The following RNF7 variants were observed in gnomAD, a reference collection of about 807,000 sequenced individuals.
The protein encoded by RNF7 is ring finger protein 7.
A neutral mutation model predicts 17.0 loss-of-function variants in RNF7; 9 were observed. The ratio of observed to expected loss-of-function variants is 0.53; its 90% confidence interval spans 0.32 to 0.92. RNF7 has a LOEUF of 0.92. Among genes scored for constraint, RNF7 ranks in the 40% least tolerant of loss-of-function variants. The pLI is 0.04. For missense variants in RNF7, 87 were observed against 145.8 expected, an observed-to-expected ratio of 0.60 and a Z score of 2.08; for synonymous variants, 59 against 50.5, an observed-to-expected ratio of 1.17 and a Z score of -0.72.
Position 141,747,326 on chromosome 3 carries a change from A to G in RNF7, c.*2049A>G, listed in dbSNP as rs1489623648. 1 of 152,264 alleles carries G rather than the reference A, an allele frequency of 6.6e-6. No individual in the cohort carries two copies. 9.4% of individuals were successfully genotyped at this position (152,264 alleles called of 1,614,324 possible). A position where few individuals can be genotyped will look rare whatever the true frequency, so the allele number is the denominator to read the frequency against. The stretch of plus-strand genomic sequence containing the variant: ...CCAATACAAAAGTTAAGCATCAAAC[A>G]GGTTTTTCTTTCCATTTGATTAAAT... On this transcript the variant is annotated 3_prime_UTR_variant, in exon 3 of 3. Transcript: ENST00000273480.
In RNF7 at chr3:141,746,021, G is replaced by C. The variant is rs1577901848; in HGVS notation, c.*744G>C. 1 of 150,048 alleles carries C rather than the reference G, an allele frequency of 6.7e-6. No homozygotes were observed. Among genetic ancestry groups the C allele is most frequent in the South Asian group, 2.1e-4 (1 of 4,740 alleles). 9.3% of individuals were successfully genotyped at this position (150,048 alleles called of 1,614,324 possible). On this transcript the variant is annotated 3_prime_UTR_variant, in exon 3 of 3. Coordinates refer to ENST00000273480, the MANE Select transcript of RNF7 (RefSeq NM_014245.5). ...GGGTGAAGTCTTGCTCTGCCACCCA[G>C]GCTGGAGTGCAGTGGCATGATGTCA...
rs2084471465 is a variant in RNF7, at chr3:141,746,215, G to A, written c.*938G>A. 3 of 152,130 alleles carry A rather than the reference G, an allele frequency of 2.0e-5. No individual in the cohort carries two copies. The highest frequency in any genetic ancestry group is 2.0e-4 in the Admixed American group (3 of 15,258). 9.4% of individuals were successfully genotyped at this position (152,130 alleles called of 1,614,324 possible). A position where few individuals can be genotyped will look rare whatever the true frequency, so the allele number is the denominator to read the frequency against. On this transcript the variant is annotated 3_prime_UTR_variant, in exon 3 of 3. Transcript: ENST00000273480. ...TGGTCTCAAACTCCTGACCTCAGGTGATTCGCCCACCTCAGCCTCCCAAAG... is the reference window on the plus strand; with the variant it reads ...TGGTCTCAAACTCCTGACCTCAGGTAATTCGCCCACCTCAGCCTCCCAAAG...
chr3:141,746,977 A>T lies in RNF7; in HGVS notation c.*1700A>T, dbSNP rs186428075. 6.6e-6 allele frequency: 1 copy of T among 152,246 alleles called. No homozygotes were observed. Among genetic ancestry groups the T allele is most frequent in the Admixed American group, 6.5e-5 (1 of 15,280 alleles). The allele number at this position is 152,246 out of a possible 1,614,324, so 9.4% of individuals were successfully genotyped here. A position where few individuals can be genotyped will look rare whatever the true frequency, so the allele number is the denominator to read the frequency against. ...CTGTTTGACCTTTTTAGAAGGTTGC[A>T]TCCTTAAAATGTGAACCAGATACAT... is the stretch of plus-strand genomic sequence containing the variant. On this transcript the variant is annotated 3_prime_UTR_variant, in exon 3 of 3. Coordinates refer to ENST00000273480, the MANE Select transcript of RNF7 (RefSeq NM_014245.5).
intron 2 of RNF7, 81 bp downstream of exon 2, chr3:141,743,637 G>A: frequency 9.8e-7 from 1 of 1,022,744 alleles, no homozygotes; most frequent in Non-Finnish European, 1.5e-6. Flanking sequence ...AATTAAGATT[G>A]ACTTTATCAA....
Position 141,745,295 on chromosome 3 carries a change from C to T in RNF7, c.*18C>T. Reference sequence around the variant, plus strand: ...GCAAATGAGAGTGGTTAGAAGGCTTCTTAGCGCAGTTGTTCAGAGCCCTGG... The same window carrying T: ...GCAAATGAGAGTGGTTAGAAGGCTTTTTAGCGCAGTTGTTCAGAGCCCTGG... On this transcript the variant is annotated 3_prime_UTR_variant, in exon 3 of 3. Coordinates refer to ENST00000273480, the MANE Select transcript of RNF7 (RefSeq NM_014245.5). 1 of 1,544,972 alleles carries T rather than the reference C, an allele frequency of 6.5e-7. No homozygotes were observed. The highest frequency in any genetic ancestry group is 8.9e-7 in the Non-Finnish European group (1 of 1,119,612).
chr3:141,745,066 G>T, intron 2 of RNF7, 93 bp from the exon 3 acceptor site: 2 of 760,622 alleles, frequency 2.6e-6, no homozygotes, highest in Admixed American at 2.8e-5. Context: ...CTTTTTTCAA[G>T]ATTATTATTT....
chr3:141,740,038 CAACA>C (rs569210181), intron 1 of RNF7, among the ~76,000 whole-genome samples: 119 of 152,126 alleles, frequency 7.8e-4, no homozygotes, highest in African/African-American at 2.8e-3. Flanking sequence ...CCTGTCTCAG[CAACA>C]AACAAACAAA....
intron 1 of RNF7, among the ~76,000 whole-genome samples, chr3:141,740,857 G>C (rs1273426152): frequency 6.6e-6 from 1 of 152,156 alleles, no homozygotes; most frequent in Non-Finnish European, 1.5e-5. Flanking sequence ...AACCCACTTA[G>C]TTCCCTTTCC....
intron 1 of RNF7, chr3:141,743,020 G>A (rs904133196): frequency 3.6e-6 from 2 of 556,048 alleles, no homozygotes; most frequent in Admixed American, 1.1e-4. Flanking sequence ...TATATTACCT[G>A]GAAGAGTGAA....
At position 141,738,304 on chromosome 3, in the gene RNF7, C is replaced by T; in HGVS notation, c.-38C>T. The T allele has an allele frequency of 6.5e-7, 1 of 1,528,180 alleles. No individual in the cohort carries two copies. The highest frequency in any genetic ancestry group is 8.8e-7 in the Non-Finnish European group (1 of 1,135,598). 94.7% of individuals were successfully genotyped at this position (1,528,180 alleles called of 1,614,324 possible). A position where few individuals can be genotyped will look rare whatever the true frequency, so the allele number is the denominator to read the frequency against. The stretch of plus-strand genomic sequence containing the variant: ...AGCCGCCCTAGCCTTCCGCCTTCCC[C>T]AAGCCAACGTCTCCGCCGTCGGCTC... On this transcript the variant is annotated 5_prime_UTR_variant, in exon 1 of 3. Coordinates refer to ENST00000273480, the MANE Select transcript of RNF7 (RefSeq NM_014245.5).
chr3:141,739,957 G>A lies in RNF7; in HGVS notation c.175+1441G>A, dbSNP rs983348441. ...GAGGATCCCTTGAGCCCAGGAGGTC[G>A]AGGCTACAGTGAGCCTTGTTCCTGC... On this transcript the variant is annotated intron_variant, in intron 1 of 2. Transcript: ENST00000273480. Among the ~76,000 whole-genome samples the A allele has an allele frequency of 5.3e-5, 8 of 152,234 alleles. No homozygotes were observed. In the East Asian group the frequency reaches 1.5e-3, roughly 29 times the overall value.
Position 141,747,519 on chromosome 3 carries a change from G to C in RNF7, c.*2242G>C, listed in dbSNP as rs2084486131. 4 of 152,186 alleles carry C rather than the reference G, an allele frequency of 2.6e-5. No homozygotes were observed. The East Asian group carries it at 7.7e-4, about 29-fold the overall frequency. 9.4% of individuals were successfully genotyped at this position (152,186 alleles called of 1,614,324 possible). A position where few individuals can be genotyped will look rare whatever the true frequency, so the allele number is the denominator to read the frequency against. On this transcript the variant is annotated 3_prime_UTR_variant, in exon 3 of 3. Coordinates refer to ENST00000273480, the MANE Select transcript of RNF7 (RefSeq NM_014245.5). ...TAAAAATACTGTGTCCCCCTTTACT[G>C]TCATGAAGTGAAATTCATAAATATA... is the stretch of plus-strand genomic sequence containing the variant.
chr3:141,742,937 T>C, intron 1 of RNF7: 1 of 1,025,254 alleles, frequency 9.8e-7, no homozygotes, highest in Non-Finnish European at 1.2e-6. Context: ...AAAAACTTGT[T>C]TATGAAGCAA....
rs1240435770 is a variant in RNF7 at position 141,741,556 on chromosome 3, A to G, written c.176-1953A>G. ...ATTTTTACAGAATTATTTTTCTCCT[A>G]TTTATGTTAAAAACTATTTTCTGTT... is the stretch of plus-strand genomic sequence containing the variant. On this transcript the variant is annotated intron_variant, in intron 1 of 2. Coordinates refer to ENST00000273480, the MANE Select transcript of RNF7 (RefSeq NM_014245.5). 2.0e-5 allele frequency among the ~76,000 whole-genome samples: 3 copies of G among 152,312 alleles called. No individual in the cohort carries two copies. The East Asian group carries it at 5.8e-4, about 29-fold the overall frequency.
At chr3:141,744,405 G>A (rs1032041049) in intron 2 of RNF7, among the ~76,000 whole-genome samples, 1 of 149,048 alleles carries the variant, frequency 6.7e-6, no homozygotes, top group East Asian at 2.0e-4. Context: ...TTTTTCTCTT[G>A]TCATATAGCT....
Position 141,738,405 on chromosome 3 carries a change from T to C in RNF7, c.64T>C (p.Ser22Pro). Residue 22 changes from serine to proline, a missense_variant, in exon 1 of 3, where the codon TCC becomes CCC. Around this residue, in one of 2 missense-constraint regions of RNF7, gnomAD observed 51 missense variants for 41.0 expected, o/e 1.24. Coordinates refer to ENST00000273480, the MANE Select transcript of RNF7 (RefSeq NM_014245.5). Reference protein sequence around the residue: ...ALASHSGSSGSKSGGDKMFSL... With the variant: ...ALASHSGSSGPKSGGDKMFSL... ...GGCCTCTCACTCCGGGAGCTCAGGC[T>C]CCAAGTCGGGAGGCGACAAGATGTT... 1 of 1,607,698 alleles carries C rather than the reference T, an allele frequency of 6.2e-7. No homozygotes were observed. The highest frequency in any genetic ancestry group is 8.5e-7 in the Non-Finnish European group (1 of 1,177,140).
chr3:141,744,207 T>C (rs908753662), intron 2 of RNF7, among the ~76,000 whole-genome samples: 3 of 152,208 alleles, frequency 2.0e-5, no homozygotes, highest in African/African-American at 7.2e-5. Flanking sequence ...CACAAATACA[T>C]GGTGTACATA....
Position 141,745,170 on chromosome 3 carries a change from G to T in RNF7, c.235G>T (p.Glu79Ter). 6.2e-7 allele frequency: 1 copy of T among 1,611,352 alleles called. No homozygotes were observed. The highest frequency in any genetic ancestry group is 1.1e-5 in the South Asian group (1 of 90,970). Residue 79 changes from glutamate to a stop codon, truncating the protein, a stop_gained, in exon 3 of 3, where the codon GAA becomes TAA. Coordinates refer to ENST00000273480, the MANE Select transcript of RNF7 (RefSeq NM_014245.5). LOFTEE classifies it high-confidence loss of function. ...KQEDCVVVWG[E>*]CNHSFHNCCM... ...TTTCTTTCTTTCAGTGGTCTGGGGA[G>T]AATGTAATCATTCCTTCCACAACTG... is the stretch of plus-strand genomic sequence containing the variant.
chr3:141,738,479 G>T lies in RNF7; in HGVS notation c.138G>T (p.Glu46Asp), dbSNP rs1235298556. The change falls in exon 1 of 3, where the codon GAG becomes GAT. Residue 46 changes from glutamate to aspartate, a missense_variant. Glu to Asp is a conservative substitution (Grantham distance 45). Coordinates refer to ENST00000273480, the MANE Select transcript of RNF7 (RefSeq NM_014245.5). ...TGGCCATGTGGAGCTGGGACGTGGAGTGCGATACGTGCGCCATCTGCAGGG... is the reference window on the plus strand; with the variant it reads ...TGGCCATGTGGAGCTGGGACGTGGATTGCGATACGTGCGCCATCTGCAGGG... ...NAVAMWSWDV[E>D]CDTCAICRVQ... The T allele has an allele frequency of 6.2e-7, 1 of 1,613,728 alleles. No homozygotes were observed. The highest frequency in any genetic ancestry group is 8.5e-7 in the Non-Finnish European group (1 of 1,179,774).
Sources: allele counts gnomAD v4.1 joint callset (sites outside exome capture counted in the v4.1 genomes callset), GRCh38; gene constraint gnomAD v4.1.1; regional missense constraint gnomAD v4.1.1; transcripts MANE v1.5; gene names NCBI Gene and HGNC (gene_info 2026-07-23, HGNC 2026-07-21).